The following ACAP2 variants were observed in gnomAD, a reference collection of about 807,000 sequenced individuals.
ACAP2 encodes arf-GAP with coiled-coil, ANK repeat and PH domain-containing protein 2.
Under a neutral mutation model 115.8 loss-of-function variants are expected in ACAP2, and 39 were observed. That is an observed-to-expected ratio of 0.34 (90% confidence interval 0.26 to 0.44). The LOEUF is 0.44. Among genes scored for constraint, ACAP2 ranks in the 20% least tolerant of loss-of-function variants. The pLI is 1.00. For missense variants in ACAP2, 662 were observed against 927.6 expected, an observed-to-expected ratio of 0.71 and a Z score of 3.72; for synonymous variants, 289 against 315.8, an observed-to-expected ratio of 0.92 and a Z score of 0.90.
chr3:195,387,688 T>G (rs1734393472), intron 2 of ACAP2, among the ~76,000 whole-genome samples: 1 of 152,166 alleles, frequency 6.6e-6, no homozygotes, highest in East Asian at 1.9e-4. Flanking sequence ...ACTCCTGACC[T>G]CAAGTGATTC....
intron 13 of ACAP2, among the ~76,000 whole-genome samples, chr3:195,305,188 A>G (rs541020799): frequency 3.3e-5 from 5 of 152,358 alleles, no homozygotes; most frequent in South Asian, 2.1e-4. Context: ...GAAATATTCA[A>G]TAGAAGACTT....
rs1160492256 is a variant in ACAP2, at chr3:195,351,117, CT to C, written c.286-5801del. 1.9e-3 allele frequency among the ~76,000 whole-genome samples: 199 copies of C among 107,008 alleles called. 1 individual carries two copies. The highest frequency in any genetic ancestry group is 6.3e-3 in the East Asian group (6 of 950). 70.2% of individuals were successfully genotyped at this position (107,008 alleles called of 152,430 possible). A position where few individuals can be genotyped will look rare whatever the true frequency, so the allele number is the denominator to read the frequency against. ...AACTCAGTAAATATGAAGATAAATCCTTTTTTTTTTTTGGGCGGGGGACAGG... is the reference window on the plus strand; with the variant it reads ...AACTCAGTAAATATGAAGATAAATCCTTTTTTTTTTTGGGCGGGGGACAGG... On this transcript the variant is annotated intron_variant, in intron 4 of 22. Transcript: ENST00000326793.
At chr3:195,298,752 C>T (rs1442920109) in intron 15 of ACAP2, among the ~76,000 whole-genome samples, 1 of 152,174 alleles carries the variant, frequency 6.6e-6, no homozygotes, top group Non-Finnish European at 1.5e-5. Context: ...CTGCCTCAGC[C>T]TCCCAAGTAG....
chr3:195,289,045 C>A (rs1394936297), intron 21 of ACAP2, 76 bp downstream of exon 21: 2 of 1,173,424 alleles, frequency 1.7e-6, no homozygotes, highest in Non-Finnish European at 2.5e-6. Context: ...GGTCCTGGAA[C>A]TAATTCACTG....
rs574587827 is a variant in ACAP2, at chr3:195,358,814, A to G, written c.286-13497T>C. ...TAGTAACAGAAAATTTCTGAAACTG[A>G]GAGAAAGATACAAAACTTCAAGTAA... On this transcript the variant is annotated intron_variant, in intron 4 of 22. Coordinates refer to ENST00000326793, the MANE Select transcript of ACAP2 (RefSeq NM_012287.6). Among the ~76,000 whole-genome samples the G allele has an allele frequency of 1.2e-4, 19 of 152,306 alleles. No individual in the cohort carries two copies. In the South Asian group the frequency reaches 3.9e-3, roughly 32 times the overall value.
intron 9 of ACAP2, among the ~76,000 whole-genome samples, chr3:195,325,721 T>A (rs1729751359): frequency 6.6e-6 from 1 of 152,168 alleles, no homozygotes; most frequent in Non-Finnish European, 1.5e-5. Context: ...TGATATCTCA[T>A]TTTAATTAAA....
At chr3:195,362,212 A>C (rs1329013726) in intron 4 of ACAP2, among the ~76,000 whole-genome samples, 1 of 151,348 alleles carries the variant, frequency 6.6e-6, no homozygotes, top group Non-Finnish European at 1.5e-5. Context: ...GCTACTCAGG[A>C]GGCTGAGGCA....
intron 9 of ACAP2, among the ~76,000 whole-genome samples, chr3:195,321,046 C>T (rs1030449207): frequency 1.3e-4 from 19 of 151,458 alleles, no homozygotes; most frequent in Non-Finnish European, 2.4e-4. Flanking sequence ...ATTGTGATGA[C>T]GTAAGGACAT....
At chr3:195,363,273 T>C (rs1163136898) in intron 4 of ACAP2, among the ~76,000 whole-genome samples, 1 of 152,072 alleles carries the variant, frequency 6.6e-6, no homozygotes, top group African/African-American at 2.4e-5. Flanking sequence ...CTATAAAACA[T>C]TGATGCAAAA....
At chr3:195,353,722 T>A (rs1323818947) in intron 4 of ACAP2, among the ~76,000 whole-genome samples, 2 of 138,968 alleles carry the variant, frequency 1.4e-5, no homozygotes. Flanking sequence ...TCAAATTGTA[T>A]GCTGTAACTA....
At chr3:195,376,288 G>C (rs987175628) in intron 4 of ACAP2, among the ~76,000 whole-genome samples, 2 of 152,096 alleles carry the variant, frequency 1.3e-5, no homozygotes, top group African/African-American at 4.8e-5. Context: ...CAGCTACTCG[G>C]GAGGCGGATG....
intron 8 of ACAP2, among the ~76,000 whole-genome samples, chr3:195,327,707 G>A (rs774700690): frequency 3.3e-5 from 5 of 152,040 alleles, no homozygotes; most frequent in African/African-American, 7.3e-5. Flanking sequence ...CAAGGTGGGC[G>A]GATCACGAGG....
chr3:195,348,396 T>C (rs981918214), intron 4 of ACAP2, among the ~76,000 whole-genome samples: 1 of 152,000 alleles, frequency 6.6e-6, no homozygotes, highest in African/African-American at 2.4e-5. Context: ...TCTTCACATC[T>C]TCATTGCTGA....
At chr3:195,298,985 T>C (rs915582090) in intron 15 of ACAP2, among the ~76,000 whole-genome samples, 10 of 152,120 alleles carry the variant, frequency 6.6e-5, no homozygotes, top group African/African-American at 2.2e-4. Flanking sequence ...CCTCTTCCCA[T>C]AGCCCAGCTA....
chr3:195,317,558 C>T (rs13062518), intron 10 of ACAP2, among the ~76,000 whole-genome samples: 69,946 of 151,976 alleles, frequency 0.46, 17,563 homozygotes, highest in Middle Eastern at 0.68. Flanking sequence ...AATGATCCTG[C>T]GACAACCAAT....
intron 1 of ACAP2, among the ~76,000 whole-genome samples, chr3:195,434,724 G>C (rs1414874680): frequency 6.6e-6 from 1 of 152,186 alleles, no homozygotes; most frequent in African/African-American, 2.4e-5. Flanking sequence ...ATCTTGGCCA[G>C]TGCTTTTCTT....
At chr3:195,415,371 C>G (rs761682143) in intron 1 of ACAP2, among the ~76,000 whole-genome samples, 1 of 151,290 alleles carries the variant, frequency 6.6e-6, no homozygotes, top group Non-Finnish European at 1.5e-5. Context: ...CCGCCTCCCA[C>G]GTTCAAGAGA....
intron 4 of ACAP2, among the ~76,000 whole-genome samples, chr3:195,347,845 T>C (rs2108660474): frequency 1.3e-5 from 2 of 152,058 alleles, no homozygotes; most frequent in African/African-American, 4.8e-5. Context: ...CATCTCTCTA[T>C]ATATATACAT....
At chr3:195,297,914 T>C (rs1225624934) in intron 15 of ACAP2, among the ~76,000 whole-genome samples, 1 of 152,202 alleles carries the variant, frequency 6.6e-6, no homozygotes, top group Non-Finnish European at 1.5e-5. Flanking sequence ...GCCTCACTAA[T>C]AAATTATATC....
Sources: allele counts gnomAD v4.1 joint callset (sites outside exome capture counted in the v4.1 genomes callset), GRCh38; gene constraint gnomAD v4.1.1; transcripts MANE v1.5; gene names NCBI Gene and HGNC (gene_info 2026-07-23, HGNC 2026-07-21).